Variants in STRBP observed in about 807,000 individuals in gnomAD.
STRBP encodes the protein spermatid perinuclear RNA-binding protein.
In STRBP, 13 loss-of-function variants were observed where a neutral mutation model predicts 80.1. The observed-to-expected ratio is 0.16, with a 90% CI of 0.11 to 0.26. The LOEUF (loss-of-function observed/expected upper bound fraction) is 0.26. Among genes scored for constraint, STRBP ranks in the 10% least tolerant of loss-of-function variants. The pLI, the probability that STRBP is intolerant of heterozygous loss-of-function variation, is 1.00. For missense variants in STRBP, 485 were observed against 815.2 expected (o/e 0.59, Z 4.93); for synonymous variants, 284 against 291.2 (o/e 0.98, Z 0.25).
chr9:123,215,932 C>G (rs1032359454), intron 2 of STRBP, among the ~76,000 whole-genome samples: 1 of 152,188 alleles, frequency 6.6e-6, no homozygotes, highest in Non-Finnish European at 1.5e-5. Context: ...TGTCTGATAA[C>G]AGTGAAAGAA....
chr9:123,242,198 G>C (rs1012837705), intron 1 of STRBP, among the ~76,000 whole-genome samples: 2 of 152,106 alleles, frequency 1.3e-5, no homozygotes, highest in African/African-American at 4.8e-5. Context: ...AACCTGTTTC[G>C]ATTATCTGCA....
chr9:123,149,035 A>G (rs2036943200), intron 11 of STRBP, among the ~76,000 whole-genome samples: 1 of 152,220 alleles, frequency 6.6e-6, no homozygotes, highest in African/African-American at 2.4e-5. Context: ...AACCTATTCA[A>G]GTACTTTAAA....
intron 3 of STRBP, among the ~76,000 whole-genome samples, chr9:123,180,692 TAG>T (rs1372122608): frequency 9.9e-5 from 15 of 151,900 alleles, no homozygotes; most frequent in Admixed American, 2.0e-4. Context: ...TTTAACAGAG[TAG>T]ATTCTATACA....
intron 2 of STRBP, among the ~76,000 whole-genome samples, chr9:123,197,632 C>T (rs190920750): frequency 6.7e-6 from 1 of 149,958 alleles, no homozygotes; most frequent in African/African-American, 2.5e-5. Context: ...GAATAATGGC[C>T]TCTAGCTCCA....
In STRBP at chr9:123,143,031, G is replaced by A. The variant is rs1039564309; in HGVS notation, c.1339-3344C>T. Among the ~76,000 whole-genome samples, 3 of 152,086 alleles carry A rather than the reference G, an allele frequency of 2.0e-5. No homozygotes were observed. The South Asian group carries it at 6.2e-4, about 32-fold the overall frequency. On this transcript the variant is annotated intron_variant, in intron 13 of 18. Transcript: ENST00000348403. ...TGTGACTGAGAAAGATGATACCCTCGAATACTAGGGGCCAAGAATGAAAAG... is the reference window on the plus strand; with the variant it reads ...TGTGACTGAGAAAGATGATACCCTCAAATACTAGGGGCCAAGAATGAAAAG...
rs2040561230 is a variant in STRBP, at chr9:123,236,319, T to A, written c.-165+511A>T. On this transcript the variant is annotated intron_variant, in intron 2 of 18. Transcript: ENST00000348403. ...TTAATTTCTATTTTTATTTCCTATTTTATTTCTATTTCATTTGCTCATTTT... is the reference window on the plus strand; with the variant it reads ...TTAATTTCTATTTTTATTTCCTATTATATTTCTATTTCATTTGCTCATTTT... 2.6e-5 allele frequency among the ~76,000 whole-genome samples: 4 copies of A among 152,330 alleles called. No individual in the cohort carries two copies. In the South Asian group the frequency reaches 8.3e-4, roughly 32 times the overall value.
At chr9:123,251,807 A>T (rs1008414138) in intron 1 of STRBP, among the ~76,000 whole-genome samples, 1 of 152,218 alleles carries the variant, frequency 6.6e-6, no homozygotes, top group African/African-American at 2.4e-5. Flanking sequence ...TAACATTAAC[A>T]ATCATCATGA....
At chr9:123,267,284 C>T (rs542040436) in intron 1 of STRBP, among the ~76,000 whole-genome samples, 1 of 151,882 alleles carries the variant, frequency 6.6e-6, no homozygotes, top group East Asian at 1.9e-4. Context: ...ATACTTCCTG[C>T]ATAAACACCC....
chr9:123,125,758 T>C, intron 18 of STRBP, 85 bp from the exon 19 acceptor site: 1 of 1,102,084 alleles, frequency 9.1e-7, no homozygotes, highest in Non-Finnish European at 1.3e-6. Flanking sequence ...CTGACAGTAA[T>C]TATCATTAAC....
intron 1 of STRBP, among the ~76,000 whole-genome samples, chr9:123,252,292 T>C (rs2040934284): frequency 1.3e-5 from 2 of 152,226 alleles, no homozygotes; most frequent in African/African-American, 2.4e-5. Flanking sequence ...CAATTCACTA[T>C]GTGCCAGATA....
intron 1 of STRBP, among the ~76,000 whole-genome samples, chr9:123,250,951 AAAAAAAC>A (rs2040901248): frequency 6.6e-6 from 1 of 152,072 alleles, no homozygotes; most frequent in Non-Finnish European, 1.5e-5. Context: ...CCATTTCTAC[AAAAAAAC>A]AAAAAACAAA....
chr9:123,132,343 A>G (rs1220063077), intron 17 of STRBP, among the ~76,000 whole-genome samples: 1 of 152,198 alleles, frequency 6.6e-6, no homozygotes, highest in Non-Finnish European at 1.5e-5. Flanking sequence ...AATAGGTAAA[A>G]TTATTTACAT....
chr9:123,242,603 T>C (rs1588148556), intron 1 of STRBP, among the ~76,000 whole-genome samples: 2 of 152,216 alleles, frequency 1.3e-5, no homozygotes, highest in East Asian at 3.9e-4. Context: ...AAGGTTGCAC[T>C]AAGTAGAGAT....
rs747387087 is a variant in STRBP, at chr9:123,170,095, C to T, written c.391-49G>A. ...ATCACCCAGTTAATTAGACTGAAACCTCAAAAGAAAAAAAAACAATGCTTG... is the reference window on the plus strand; with the variant it reads ...ATCACCCAGTTAATTAGACTGAAACTTCAAAAGAAAAAAAAACAATGCTTG... On this transcript the variant is annotated intron_variant, in intron 5 of 18. Transcript: ENST00000348403. The T allele has an allele frequency of 3.9e-6, 6 of 1,534,284 alleles. No homozygotes were observed. In the Admixed American group the frequency reaches 8.3e-5, roughly 21 times the overall value.
At chr9:123,207,149 C>T (rs1043078971) in intron 2 of STRBP, among the ~76,000 whole-genome samples, 3 of 152,068 alleles carry the variant, frequency 2.0e-5, no homozygotes, top group African/African-American at 7.2e-5. Context: ...GTCAAAGATG[C>T]GGATACCCTA....
Position 123,162,841 on chromosome 9 carries a change from A to G in STRBP, c.536-1773T>C, listed in dbSNP as rs1198424914. On this transcript the variant is annotated intron_variant, in intron 6 of 18. Coordinates refer to ENST00000348403, the MANE Select transcript of STRBP (RefSeq NM_018387.5). ...ATTCATTTCATAGGTGATATAGCTC[A>G]ATTTTGTCTTTATAGTGATACAAAA... is the stretch of plus-strand genomic sequence containing the variant. Among the ~76,000 whole-genome samples the G allele has an allele frequency of 3.3e-5, 5 of 152,232 alleles. No individual in the cohort carries two copies. The East Asian group carries it at 9.6e-4, about 29-fold the overall frequency.
chr9:123,172,086 G>A (rs972069473), intron 5 of STRBP, among the ~76,000 whole-genome samples: 17 of 152,168 alleles, frequency 1.1e-4, no homozygotes, highest in African/African-American at 4.1e-4. Context: ...AGATGTGATA[G>A]ATTTTCTGAA....
intron 7 of STRBP, 48 bp downstream of exon 7, chr9:123,160,929 A>C: frequency 6.7e-7 from 1 of 1,481,954 alleles, no homozygotes. Context: ...GTTCCAAATG[A>C]AACTTGGACA....
rs1212254711 is a variant in STRBP at position 123,115,149 on chromosome 9, C to T, written c.*84+780G>A. The T allele has an allele frequency of 2.2e-6, 1 of 461,612 alleles. No individual in the cohort carries two copies. Among genetic ancestry groups the T allele is most frequent in the Non-Finnish European group, 4.5e-6 (1 of 220,970 alleles). 28.6% of individuals were successfully genotyped at this position (461,612 alleles called of 1,614,324 possible). On this transcript the variant is annotated intron_variant and NMD_transcript_variant, in intron 3 of 3. Transcript: ENST00000471564. The surrounding 1 kb of genome is among the most constrained non-coding windows in gnomAD (Gnocchi z 5.0). The stretch of plus-strand genomic sequence containing the variant: ...GTCCCACCTGCCACTTGACTCTGCT[C>T]ATCCTCTCGGGTCCCACAGCAAGGC...
Sources: allele counts gnomAD v4.1 joint callset (sites outside exome capture counted in the v4.1 genomes callset), GRCh38; gene constraint gnomAD v4.1.1; non-coding constraint Gnocchi (gnomAD v3.1); transcripts MANE v1.5; gene names NCBI Gene and HGNC (gene_info 2026-07-23, HGNC 2026-07-21).